Variants in DACT3 observed in about 807,000 individuals in gnomAD.
The protein encoded by DACT3 is dishevelled binding antagonist of beta catenin 3, also known as dapper homolog 3.
DACT3 carries 5 observed loss-of-function variants against 19.6 expected under a neutral mutation model. That is an observed-to-expected ratio of 0.26 (90% CI 0.13 to 0.54). The LOEUF (loss-of-function observed/expected upper bound fraction) is 0.54. Ranked by LOEUF, DACT3 falls within the 20% of genes least tolerant of loss-of-function variation. DACT3 has a pLI of 0.95. For missense variants in DACT3, 908 were observed against 927.4 expected (o/e 0.98, Z 0.27); for synonymous variants, 454 against 428.1 (o/e 1.06, Z -0.75).
At position 46,649,170 on chromosome 19, in the gene DACT3, C is replaced by A. The variant is rs2052952307; in HGVS notation, c.1202G>T (p.Gly401Val). 1.6e-6 allele frequency: 2 copies of A among 1,220,722 alleles called. No homozygotes were observed. The highest frequency in any genetic ancestry group is 2.0e-6 in the Non-Finnish European group (2 of 981,132). 75.6% of individuals were successfully genotyped at this position (1,220,722 alleles called of 1,614,324 possible). A position where few individuals can be genotyped will look rare whatever the true frequency, so the allele number is the denominator to read the frequency against. The stretch of plus-strand genomic sequence containing the variant: ...AGCCTCGGCCATGCGTCCACGGCGG[C>A]CGGCGGCCCGGGGACGCTCCCGGGG... ...SPPRERPRAA[G>V]RRGRMAEASG... is the part of the protein sequence containing the mutation. The change falls in exon 4 of 4, where the codon GGC becomes GTC. Residue 401 changes from glycine to valine, a missense_variant. Around this residue, in one of 2 missense-constraint regions of DACT3, gnomAD observed 656 missense variants for 601.8 expected, o/e 1.09. Transcript: ENST00000391916.
At chr19:46,654,822 C>G in intron 1 of DACT3, 1 of 983,112 alleles carries the variant, frequency 1.0e-6, no homozygotes, top group Non-Finnish European at 1.2e-6. Context: ...GCAGCCACAA[C>G]CCCCCCGCCC....
chr19:46,652,988 G>T lies in DACT3; in HGVS notation c.337C>A (p.Arg113Ser). The stretch of plus-strand genomic sequence containing the variant: ...CTCCATCCATGCTCACCCGAGCTAC[G>T]CCCGCTCTCCTGTTCCAGGCCCCCA... ...ESGGLEQESGRSSGFYEDPSS... is the reference protein window; with the variant it reads ...ESGGLEQESGSSSGFYEDPSS... The change falls in exon 2 of 4, where the codon CGT becomes AGT. Residue 113 changes from arginine to serine, a missense_variant. This residue lies in a region of DACT3 where 252 missense variants were observed against 325.6 expected (regional missense o/e 0.77). Transcript: ENST00000391916. 1 of 1,551,114 alleles carries T rather than the reference G, an allele frequency of 6.4e-7. No homozygotes were observed. The highest frequency in any genetic ancestry group is 8.7e-7 in the Non-Finnish European group (1 of 1,147,004).
chr19:46,652,473 C>G, intron 3 of DACT3, 187 bp downstream of exon 3: 1 of 701,508 alleles, frequency 1.4e-6, no homozygotes. Flanking sequence ...GCCACCGCAC[C>G]CAGCCATATT....
chr19:46,652,928 G>T, intron 2 of DACT3, 51 bp downstream of exon 2: 1 of 1,546,788 alleles, frequency 6.5e-7, no homozygotes, highest in Non-Finnish European at 8.7e-7. Context: ...ATAGGGATAC[G>T]GGGAACATGG....
intron 1 of DACT3, chr19:46,654,037 G>A (rs2053011670): frequency 4.1e-5 from 40 of 985,212 alleles, no homozygotes; most frequent in Non-Finnish European, 4.8e-5. Context: ...AACCTCCCAA[G>A]CCTCCTAGAC....
rs763277157 is a variant in DACT3, at chr19:46,648,622, C to A, written c.1750G>T (p.Ala584Ser). The change falls in exon 4 of 4, where the codon GCG becomes TCG. Residue 584 changes from alanine to serine, a missense_variant. Around this residue, in one of 2 missense-constraint regions of DACT3, gnomAD observed 656 missense variants for 601.8 expected, o/e 1.09. Transcript: ENST00000391916. This position sits in a 1 kb window ranked among gnomAD's most constrained non-coding sequence, Gnocchi z 5.1. The part of the protein sequence containing the change: ...VWPQQLVAAT[A>S]ASGGGAGAGA... ...GCACCTGCTCCACCCCCAGAGGCCG[C>A]GGTGGCCGCCACCAGCTGCTGCGGC... 1 of 1,612,864 alleles carries A rather than the reference C, an allele frequency of 6.2e-7. No individual in the cohort carries two copies. The highest frequency in any genetic ancestry group is 1.1e-5 in the South Asian group (1 of 91,054).
At position 46,648,504 on chromosome 19, in the gene DACT3, A is replaced by C; in HGVS notation, c.1868T>G (p.Leu623Arg). ...KKILRFRSGS[L>R]KVMTTV ...AACTCACACTGTAGTCATGACCTTG[A>C]GAGAACCCGAACGGAAACGCAGTAT... The change falls in exon 4 of 4, where the codon CTC becomes CGC. Residue 623 changes from leucine to arginine, a missense_variant. Physicochemically the swap from Leu to Arg is moderately radical, Grantham distance 102. Coordinates refer to ENST00000391916, the MANE Select transcript of DACT3 (RefSeq NM_145056.3). This position sits in a 1 kb window ranked among gnomAD's most constrained non-coding sequence, Gnocchi z 5.1. The C allele has an allele frequency of 6.2e-7, 1 of 1,613,996 alleles. No individual in the cohort carries two copies. The highest frequency in any genetic ancestry group is 8.5e-7 in the Non-Finnish European group (1 of 1,179,866).
At chr19:46,652,524 G>T in intron 3 of DACT3, 136 bp downstream of exon 3, 1 of 963,372 alleles carries the variant, frequency 1.0e-6, no homozygotes, top group Non-Finnish European at 1.5e-6. Flanking sequence ...AGAAATAAGA[G>T]ACCTGCTCAT....
At chr19:46,659,222 C>A (rs971824727) in intron 1 of DACT3, 8 of 985,026 alleles carry the variant, frequency 8.1e-6, no homozygotes, top group Non-Finnish European at 6.0e-6. Context: ...CTGGGACAAG[C>A]TTTGCCTAGA....
At chr19:46,651,468 T>C (rs2052984356) in intron 3 of DACT3, 1 of 152,206 alleles carries the variant, frequency 6.6e-6, no homozygotes, top group African/African-American at 2.4e-5. Flanking sequence ...TACTGTTCAT[T>C]TTGTTCATTG....
At chr19:46,658,579 C>A (rs1180111200) in intron 1 of DACT3, among the ~76,000 whole-genome samples, 1 of 152,140 alleles carries the variant, frequency 6.6e-6, no homozygotes, top group East Asian at 1.9e-4. Flanking sequence ...CAAGTCTACA[C>A]CCCTCTATTT....
chr19:46,648,492 G>A lies in DACT3; in HGVS notation c.1880C>T (p.Thr627Ile). ...AGCAAATCCCCAAACTCACACTGTA[G>A]TCATGACCTTGAGAGAACCCGAACG... ...RFRSGSLKVM[T>I]TV The change falls in exon 4 of 4, where the codon ACT becomes ATT. Residue 627 changes from threonine (T) to isoleucine (I), a missense_variant. Thr to Ile is a moderately conservative substitution (Grantham distance 89). Around this residue, in one of 2 missense-constraint regions of DACT3, gnomAD observed 656 missense variants for 601.8 expected, o/e 1.09. Transcript: ENST00000391916. This position sits in a 1 kb window ranked among gnomAD's most constrained non-coding sequence, Gnocchi z 5.1. 1 of 1,614,004 alleles carries A rather than the reference G, an allele frequency of 6.2e-7. No individual in the cohort carries two copies. Among genetic ancestry groups the A allele is most frequent in the East Asian group, 2.2e-5 (1 of 44,882 alleles).
At position 46,649,117 on chromosome 19, in the gene DACT3, G is replaced by T. The variant is rs1220216124; in HGVS notation, c.1255C>A (p.Arg419Ser). The T allele has an allele frequency of 1.2e-5, 16 of 1,283,302 alleles. No homozygotes were observed. The East Asian group carries it at 4.7e-4, about 38-fold the overall frequency. The allele number at this position is 1,283,302 out of a possible 1,614,324, so 79.5% of individuals were successfully genotyped here. ...ASGRRGSPRA[R>S]KASRSQSETS... ...TCAGACTGGGAGCGCGAGGCCTTGC[G>T]GGCCCTGGGCGAGCCGCGGCGGCCC... Residue 419 changes from arginine to serine, a missense_variant, in exon 4 of 4, where the codon CGC (arginine) becomes AGC (serine). By Grantham distance (110) the Arg-to-Ser change is moderately radical (BLOSUM62 -1). Coordinates refer to ENST00000391916, the MANE Select transcript of DACT3 (RefSeq NM_145056.3).
rs1476280650 is a variant in DACT3, at chr19:46,649,630, G to A, written c.742C>T (p.Pro248Ser). 11 of 1,131,260 alleles carry A rather than the reference G, an allele frequency of 9.7e-6. No individual in the cohort carries two copies. Among genetic ancestry groups the A allele is most frequent in the South Asian group, 3.8e-5 (1 of 26,338 alleles). 70.1% of individuals were successfully genotyped at this position (1,131,260 alleles called of 1,614,324 possible). ...DSPDAGGAGR[P>S]LDGYISALLR... ...AGCGCCGAGATGTAGCCGTCCAGGG[G>A]CCGCCCTGCGCCCCCCGCGTCGGGC... Residue 248 changes from proline (P) to serine (S), a missense_variant, in exon 4 of 4, where the codon CCC (proline) becomes TCC (serine). By Grantham distance (74) the Pro-to-Ser change is moderately conservative. Transcript: ENST00000391916.
rs199695661 is a variant in DACT3, at chr19:46,648,574, T to C, written c.1798A>G (p.Lys600Glu). The part of the protein sequence containing the change: ...AGAGAPAGPA[K>E]VFVKIKASHA... ...GAAGCTTTGATTTTCACGAAGACTT[T>C]GGCGGGGCCTGCGGGCGCCCCTGCA... is the stretch of plus-strand genomic sequence containing the variant. The change falls in exon 4 of 4, where the codon AAA (lysine) becomes GAA (glutamate). Residue 600 changes from lysine (K) to glutamate (E), a missense_variant. Lys to Glu is a moderately conservative substitution (Grantham distance 56, BLOSUM62 1). Coordinates refer to ENST00000391916, the MANE Select transcript of DACT3 (RefSeq NM_145056.3). The surrounding 1 kb of genome is among the most constrained non-coding windows in gnomAD (Gnocchi z 5.1). 41 of 1,613,688 alleles carry C rather than the reference T, an allele frequency of 2.5e-5. No homozygotes were observed. The highest frequency in any genetic ancestry group is 5.3e-5 in the African/African-American group (4 of 75,028).
At position 46,648,646 on chromosome 19, in the gene DACT3, G is replaced by A; in HGVS notation, c.1726C>T (p.Pro576Ser). 6.2e-7 allele frequency: 1 copy of A among 1,612,472 alleles called. No homozygotes were observed. Among genetic ancestry groups the A allele is most frequent in the Non-Finnish European group, 8.5e-7 (1 of 1,179,460 alleles). Reference protein sequence around the residue: ...DSDGSGGLVWPQQLVAATAAS... With the variant: ...DSDGSGGLVWSQQLVAATAAS... ...GCGGTGGCCGCCACCAGCTGCTGCGGCCACACGAGGCCACCGCTGCCGTCT... is the reference window on the plus strand; with the variant it reads ...GCGGTGGCCGCCACCAGCTGCTGCGACCACACGAGGCCACCGCTGCCGTCT... The change falls in exon 4 of 4, where the codon CCG (proline) becomes TCG (serine). Residue 576 changes from proline to serine, a missense_variant. Around this residue, in one of 2 missense-constraint regions of DACT3, gnomAD observed 656 missense variants for 601.8 expected, o/e 1.09. Coordinates refer to ENST00000391916, the MANE Select transcript of DACT3 (RefSeq NM_145056.3). The surrounding 1 kb of genome is among the most constrained non-coding windows in gnomAD (Gnocchi z 5.1).
intron 3 of DACT3, chr19:46,650,304 A>G (rs1191294064): frequency 6.6e-6 from 1 of 151,084 alleles, no homozygotes; most frequent in Non-Finnish European, 1.5e-5. Flanking sequence ...TTGTATTTTT[A>G]GTAGAGACGG....
chr19:46,660,845 G>A lies in DACT3; in HGVS notation c.220C>T (p.Arg74Trp), dbSNP rs1440906060. The A allele has an allele frequency of 5.9e-6, 9 of 1,515,772 alleles. No homozygotes were observed. Among genetic ancestry groups the A allele is most frequent in the African/African-American group, 1.4e-5 (1 of 70,628 alleles). 93.9% of individuals were successfully genotyped at this position (1,515,772 alleles called of 1,614,324 possible). ...DEDEDAAAAR[R>W]AAAALEEQLE... ...TGCTCCTCCAGGGCCGCTGCGGCCC[G>A]GCGCGCCGCCGCCGCATCTTCATCC... The change falls in exon 1 of 4, where the codon CGG (arginine) becomes TGG (tryptophan). Residue 74 changes from arginine to tryptophan, a missense_variant. By Grantham distance (101) the Arg-to-Trp change is moderately radical (BLOSUM62 -3). Coordinates refer to ENST00000391916, the MANE Select transcript of DACT3 (RefSeq NM_145056.3). The surrounding 1 kb of genome is among the most constrained non-coding windows in gnomAD (Gnocchi z 4.9).
At chr19:46,651,057 T>TTATC (rs1555822246) in intron 3 of DACT3, 8 of 134,974 alleles carry the variant, frequency 5.9e-5, no homozygotes, top group Non-Finnish European at 1.1e-4. Flanking sequence ...CCTGGTTTAT[T>TTATC]TATTTATCTA....
Sources: gnomAD v4.1 joint callset for allele counts (sites outside exome capture counted in the v4.1 genomes callset) on GRCh38, gnomAD v4.1.1 for gene constraint, gnomAD v4.1.1 regional missense constraint, Gnocchi (gnomAD v3.1) non-coding constraint, MANE v1.5 for transcripts, NCBI Gene and HGNC (gene_info 2026-07-23, HGNC 2026-07-21) for gene names.